Variants in GSK3B observed in about 807,000 individuals in gnomAD.
GSK3B encodes the protein glycogen synthase kinase-3 beta.
Under a neutral mutation model 56.4 loss-of-function variants are expected in GSK3B, and 15 were observed. The observed-to-expected ratio is 0.27, with a 90% confidence interval of 0.18 to 0.41. The LOEUF is 0.41. GSK3B is among the 10% of genes least tolerant of loss of function. The pLI, the probability that GSK3B is intolerant of heterozygous loss-of-function variation, is 1.00. For missense variants in GSK3B, 300 were observed against 513.4 expected, an observed-to-expected ratio of 0.58 and a Z score of 4.02; for synonymous variants, 181 against 188.9, an observed-to-expected ratio of 0.96 and a Z score of 0.34.
chr3:119,828,610 G>T (rs1030469342), intron 10 of GSK3B, among the ~76,000 whole-genome samples: 1 of 152,202 alleles, frequency 6.6e-6, no homozygotes, highest in Admixed American at 6.5e-5. Context: ...TGAATGCAAC[G>T]TTTGGTCCTG....
At chr3:119,921,840 T>A (rs1468175862) in intron 4 of GSK3B, among the ~76,000 whole-genome samples, 8 of 152,158 alleles carry the variant, frequency 5.3e-5, no homozygotes, top group South Asian at 2.1e-4. Context: ...AATTACATTT[T>A]AAAAAATAAT....
chr3:119,890,964 C>G (rs1247567531), intron 7 of GSK3B, among the ~76,000 whole-genome samples: 2 of 152,016 alleles, frequency 1.3e-5, no homozygotes, highest in African/African-American at 4.8e-5. Flanking sequence ...TTTTCAGCCT[C>G]TGAAGTTATT....
intron 1 of GSK3B, among the ~76,000 whole-genome samples, chr3:120,042,951 T>G (rs946361185): frequency 3.3e-5 from 5 of 152,180 alleles, no homozygotes; most frequent in Non-Finnish European, 4.4e-5. Context: ...CTCTACAGAC[T>G]GCCTTATTTA....
chr3:119,915,815 G>C (rs1419383744), intron 5 of GSK3B, among the ~76,000 whole-genome samples: 1 of 152,050 alleles, frequency 6.6e-6, no homozygotes, highest in Non-Finnish European at 1.5e-5. Context: ...TTGTAAATAT[G>C]TATTCCTAAG....
At chr3:119,932,569 T>C (rs2056956960) in intron 3 of GSK3B, among the ~76,000 whole-genome samples, 1 of 151,496 alleles carries the variant, frequency 6.6e-6, no homozygotes, top group African/African-American at 2.4e-5. Flanking sequence ...TCTGCAAATC[T>C]TGGAAGACAA....
chr3:120,052,584 C>A (rs1463599098), intron 1 of GSK3B, among the ~76,000 whole-genome samples: 1 of 152,194 alleles, frequency 6.6e-6, no homozygotes, highest in East Asian at 1.9e-4. Flanking sequence ...CCCTAAACCA[C>A]TGTTAACAAT....
intron 3 of GSK3B, among the ~76,000 whole-genome samples, chr3:119,936,977 C>T (rs1011139072): frequency 1.3e-5 from 2 of 151,896 alleles, no homozygotes; most frequent in Non-Finnish European, 2.9e-5. Flanking sequence ...CAGGATAGAC[C>T]ATATATTAGG....
At chr3:119,995,737 AT>A (rs138237628) in intron 2 of GSK3B, among the ~76,000 whole-genome samples, 36,126 of 130,422 alleles carry the variant, frequency 0.28, 5,487 homozygotes, top group East Asian at 0.48. Context: ...GCCTGAAATA[AT>A]TTTTTTTTTT....
At chr3:119,936,783 G>T (rs553905223) in intron 3 of GSK3B, among the ~76,000 whole-genome samples, 34 of 152,090 alleles carry the variant, frequency 2.2e-4, no homozygotes, top group African/African-American at 8.2e-4. Flanking sequence ...ATGGGCAGCT[G>T]TACAATAGTT....
chr3:119,923,748 G>A (rs940910922), intron 3 of GSK3B, among the ~76,000 whole-genome samples: 9 of 151,996 alleles, frequency 5.9e-5, no homozygotes, highest in African/African-American at 9.7e-5. Context: ...CGATTATTTT[G>A]GTTACCATGA....
chr3:119,862,538 A>AG (rs1381080580), intron 9 of GSK3B, among the ~76,000 whole-genome samples: 5 of 149,366 alleles, frequency 3.3e-5, no homozygotes, highest in African/African-American at 9.8e-5. Context: ...AAAAAAAAAA[A>AG]AAAAAGAAAG....
At chr3:119,960,097 C>G (rs1230670701) in intron 2 of GSK3B, among the ~76,000 whole-genome samples, 1 of 109,692 alleles carries the variant, frequency 9.1e-6, no homozygotes, top group Admixed American at 1.2e-4. Context: ...AAAAAAGAAA[C>G]AATTATTGAT....
chr3:120,022,093 C>T (rs7613197), intron 1 of GSK3B, among the ~76,000 whole-genome samples: 42,313 of 152,062 alleles, frequency 0.28, 7,643 homozygotes, highest in African/African-American at 0.52. Flanking sequence ...GAGAAATCTT[C>T]CGTGAAAGGA....
At chr3:119,868,629 A>T (rs2056212650) in intron 8 of GSK3B, among the ~76,000 whole-genome samples, 2 of 152,228 alleles carry the variant, frequency 1.3e-5, no homozygotes, top group African/African-American at 4.8e-5. Context: ...AGAGCAATGT[A>T]AAAATGTCCA....
At chr3:119,953,420 A>T (rs1344136662) in intron 2 of GSK3B, among the ~76,000 whole-genome samples, 6 of 152,118 alleles carry the variant, frequency 3.9e-5, no homozygotes, top group Non-Finnish European at 7.4e-5. Context: ...TGCAACTATA[A>T]TCTATCCCTA....
At chr3:119,854,961 T>C (rs1004298002) in intron 9 of GSK3B, among the ~76,000 whole-genome samples, 2 of 152,160 alleles carry the variant, frequency 1.3e-5, no homozygotes, top group Admixed American at 1.3e-4. Flanking sequence ...CCTTCTGCTA[T>C]CTTTTGAACG....
chr3:119,872,514 C>A (rs2056261649), intron 8 of GSK3B, among the ~76,000 whole-genome samples: 1 of 152,026 alleles, frequency 6.6e-6, no homozygotes, highest in African/African-American at 2.4e-5. Context: ...ATCACATGTG[C>A]TTTTTAAAAA....
chr3:119,982,444 C>T (rs763485838), intron 2 of GSK3B, among the ~76,000 whole-genome samples: 11 of 152,084 alleles, frequency 7.2e-5, no homozygotes, highest in Non-Finnish European at 1.3e-4. Context: ...TCAAACCCAT[C>T]GCAAGGAAGC....
At chr3:120,059,021 A>G (rs1349383581) in intron 1 of GSK3B, among the ~76,000 whole-genome samples, 1 of 152,060 alleles carries the variant, frequency 6.6e-6, no homozygotes, top group Non-Finnish European at 1.5e-5. Flanking sequence ...AAAAAAAAAA[A>G]AAAAAGAATG....
Sources: allele counts gnomAD v4.1 joint callset (sites outside exome capture counted in the v4.1 genomes callset), GRCh38; gene constraint gnomAD v4.1.1; transcripts MANE v1.5; gene names NCBI Gene and HGNC (gene_info 2026-07-23, HGNC 2026-07-21).